The following LEF1 variants were observed in gnomAD, a reference collection of about 807,000 sequenced individuals.
The protein encoded by LEF1 is lymphoid enhancer-binding factor 1.
LEF1 carries 14 observed loss-of-function variants against 51.2 expected under a neutral mutation model. The ratio of observed to expected loss-of-function variants is 0.27; its 90% CI spans 0.18 to 0.43. The LOEUF (loss-of-function observed/expected upper bound fraction) is 0.43. LEF1 is among the 20% of genes least tolerant of loss of function. The pLI, the probability that LEF1 is intolerant of heterozygous loss-of-function variation, is 1.00. For synonymous variants in LEF1, 185 were observed against 183.2 expected (o/e 1.01, Z -0.08); for missense variants, 386 against 512.0 (o/e 0.75, Z 2.37).
chr4:108,096,290 CAGT>C (rs752407421), intron 3 of LEF1, among the ~76,000 whole-genome samples: 1 of 152,094 alleles, frequency 6.6e-6, no homozygotes, highest in African/African-American at 2.4e-5. Context: ...AGAGCAGCAG[CAGT>C]AGCAGCTGCC....
chr4:108,146,558 T>G lies in LEF1; in HGVS notation c.414+17010A>C, dbSNP rs528564121. ...AAAAACCTCCTTTCTTAAAAAGCAC[T>G]GACGTAAATTCTGATGCTTTCAGTA... On this transcript the variant is annotated intron_variant, in intron 3 of 11. Transcript: ENST00000265165. Among the ~76,000 whole-genome samples, 10 of 152,360 alleles carry G rather than the reference T, an allele frequency of 6.6e-5. 1 individual carries two copies. Among genetic ancestry groups the G allele is most frequent in the Admixed American group, 6.5e-4 (10 of 15,304 alleles).
intron 3 of LEF1, among the ~76,000 whole-genome samples, chr4:108,135,186 AC>A (rs1264068935): frequency 6.6e-6 from 1 of 152,152 alleles, no homozygotes; most frequent in Non-Finnish European, 1.5e-5. Context: ...AGACTCTAAA[AC>A]CTGCAGCGCA....
chr4:108,131,839 A>G (rs1426932110), intron 3 of LEF1, among the ~76,000 whole-genome samples: 1 of 152,246 alleles, frequency 6.6e-6, no homozygotes, highest in East Asian at 1.9e-4. Context: ...GGTGCGTTGT[A>G]TAGGGTATGA....
intron 11 of LEF1, among the ~76,000 whole-genome samples, chr4:108,058,045 T>C (rs1314903176): frequency 6.6e-6 from 1 of 152,040 alleles, no homozygotes; most frequent in Non-Finnish European, 1.5e-5. Context: ...GGCTAATTTT[T>C]TGTATTTTTA....
intron 3 of LEF1, among the ~76,000 whole-genome samples, chr4:108,142,612 A>G (rs1743738365): frequency 6.6e-6 from 1 of 152,220 alleles, no homozygotes; most frequent in Admixed American, 6.5e-5. Flanking sequence ...AAATCAACAT[A>G]AAAAGCAAGC....
rs148885942 is a variant in LEF1 at position 108,064,840 on chromosome 4, C to A, written c.1117-456G>T. On this transcript the variant is annotated intron_variant, in intron 9 of 11. Transcript: ENST00000265165. ...AATGAGCCATTCCTTTTCTTACTAA[C>A]CAACATACTTAGAACCCACTTCTGG... is the stretch of plus-strand genomic sequence containing the variant. Among the ~76,000 whole-genome samples, 608 of 152,148 alleles carry A rather than the reference C, an allele frequency of 4.0e-3. 2 individuals carry two copies. The highest frequency in any genetic ancestry group is 6.4e-3 in the Non-Finnish European group (436 of 68,022).
At chr4:108,117,718 G>T (rs145010536) in intron 3 of LEF1, among the ~76,000 whole-genome samples, 135 of 152,266 alleles carry the variant, frequency 8.9e-4, no homozygotes, top group East Asian at 4.4e-3. Flanking sequence ...TTGCGGGGAG[G>T]GGGAGGAAGA....
intron 3 of LEF1, among the ~76,000 whole-genome samples, chr4:108,110,089 C>T (rs369174127): frequency 5.3e-5 from 8 of 152,140 alleles, no homozygotes; most frequent in South Asian, 4.1e-4. Flanking sequence ...AGCAAGAGCA[C>T]GAAGCCTCCA....
chr4:108,137,018 T>C (rs893732130), intron 3 of LEF1, among the ~76,000 whole-genome samples: 1 of 152,184 alleles, frequency 6.6e-6, no homozygotes, highest in African/African-American at 2.4e-5. Context: ...TTCTTTATTG[T>C]AAGTACTTTA....
chr4:108,112,576 C>T (rs577562250), intron 3 of LEF1, among the ~76,000 whole-genome samples: 51 of 152,258 alleles, frequency 3.3e-4, no homozygotes, highest in African/African-American at 1.1e-3. Flanking sequence ...GATTTTTCCT[C>T]ATTGGAAAAT....
chr4:108,130,230 C>G (rs920049377), intron 3 of LEF1, among the ~76,000 whole-genome samples: 1 of 152,088 alleles, frequency 6.6e-6, no homozygotes, highest in Non-Finnish European at 1.5e-5. Flanking sequence ...ACACTGGTGA[C>G]CAGAACCAGT....
chr4:108,126,621 G>A (rs886367652), intron 3 of LEF1, among the ~76,000 whole-genome samples: 11 of 151,754 alleles, frequency 7.2e-5, no homozygotes, highest in Non-Finnish European at 1.3e-4. Context: ...TGGCCAACAC[G>A]GTGAAACACC....
intron 3 of LEF1, among the ~76,000 whole-genome samples, chr4:108,106,917 C>T (rs1200345312): frequency 2.6e-5 from 4 of 152,100 alleles, no homozygotes; most frequent in Admixed American, 6.6e-5. Context: ...TGCATGGAGG[C>T]GGACACAGGT....
At position 108,120,107 on chromosome 4, in the gene LEF1, A is replaced by C. The variant is rs954692905; in HGVS notation, c.415-30850T>G. Among the ~76,000 whole-genome samples, 5 of 151,796 alleles carry C rather than the reference A, an allele frequency of 3.3e-5. No homozygotes were observed. The East Asian group carries it at 7.8e-4, about 24-fold the overall frequency. On this transcript the variant is annotated intron_variant, in intron 3 of 11. Coordinates refer to ENST00000265165, the MANE Select transcript of LEF1 (RefSeq NM_016269.5). ...AGTGCAGTGGTGTGATCACGGCTCA[A>C]TGTAGCCTTGAACTCCTGGGCTCAA...
At chr4:108,108,314 A>G (rs71601076) in intron 3 of LEF1, among the ~76,000 whole-genome samples, 29 of 152,168 alleles carry the variant, frequency 1.9e-4, no homozygotes, top group Non-Finnish European at 3.1e-4. Context: ...GTCTTAGATT[A>G]TCATCATCTT....
chr4:108,102,767 G>GGACA (rs1224344654), intron 3 of LEF1, among the ~76,000 whole-genome samples: 2 of 152,262 alleles, frequency 1.3e-5, no homozygotes, highest in East Asian at 3.9e-4. Flanking sequence ...ATTTCAAAGA[G>GGACA]GACACATCTT....
chr4:108,113,914 T>A (rs1741680895), intron 3 of LEF1, among the ~76,000 whole-genome samples: 1 of 152,148 alleles, frequency 6.6e-6, no homozygotes, highest in African/African-American at 2.4e-5. Context: ...AAGATTTAGT[T>A]CTAGACCCTA....
chr4:108,069,550 A>AT (rs1274073778), intron 9 of LEF1, among the ~76,000 whole-genome samples: 1 of 152,328 alleles, frequency 6.6e-6, no homozygotes, highest in East Asian at 1.9e-4. Context: ...ATGAAAAAAG[A>AT]TTTTTTTACC....
intron 11 of LEF1, among the ~76,000 whole-genome samples, chr4:108,062,068 C>A (rs1737727666): frequency 6.6e-6 from 1 of 152,144 alleles, no homozygotes; most frequent in South Asian, 2.1e-4. Flanking sequence ...GCAGATCCTG[C>A]ACATCAACCA....
Sources: allele counts gnomAD v4.1 joint callset (sites outside exome capture counted in the v4.1 genomes callset), GRCh38; gene constraint gnomAD v4.1.1; transcripts MANE v1.5; gene names NCBI Gene and HGNC (gene_info 2026-07-23, HGNC 2026-07-21).